The following NRG1 variants were observed in gnomAD, a reference collection of about 807,000 sequenced individuals.
NRG1 encodes pro-neuregulin-1, membrane-bound isoform.
NRG1 carries 18 observed loss-of-function variants against 63.8 expected under a neutral mutation model. The observed-to-expected ratio is 0.28, with a 90% CI of 0.19 to 0.42. The LOEUF (loss-of-function observed/expected upper bound fraction) is 0.42. Ranked by LOEUF, NRG1 falls within the 10% of genes least tolerant of loss-of-function variation. The pLI is 1.00. For missense variants in NRG1, 762 were observed against 814.7 expected, an observed-to-expected ratio of 0.94 and a Z score of 0.79; for synonymous variants, 302 against 301.3, an observed-to-expected ratio of 1.00 and a Z score of -0.02.
chr8:32,395,597 T>C (rs902964444), intron 1 of NRG1, among the ~76,000 whole-genome samples: 11 of 147,236 alleles, frequency 7.5e-5, no homozygotes, highest in Non-Finnish European at 1.5e-4. Flanking sequence ...TTTTCTTATA[T>C]TGAGTTATAA....
intron 1 of NRG1, among the ~76,000 whole-genome samples, chr8:32,363,475 A>G (rs1486240246): frequency 1.3e-5 from 2 of 152,142 alleles, no homozygotes; most frequent in Non-Finnish European, 2.9e-5. Flanking sequence ...CTCTAACGGG[A>G]GTATGATGTC....
At chr8:31,777,209 G>A (rs1440143355) in intron 1 of NRG1, among the ~76,000 whole-genome samples, 1 of 152,230 alleles carries the variant, frequency 6.6e-6, no homozygotes, top group Admixed American at 6.5e-5. Context: ...GAGCAAGACA[G>A]AGAGCAGCAT....
chr8:31,982,280 T>C (rs577782860), intron 1 of NRG1, among the ~76,000 whole-genome samples: 7 of 152,198 alleles, frequency 4.6e-5, no homozygotes, highest in African/African-American at 1.7e-4. Context: ...TCATTCTTGC[T>C]AAGTCTTCCA....
intron 1 of NRG1, among the ~76,000 whole-genome samples, chr8:32,165,967 T>C (rs1335431222): frequency 6.6e-6 from 1 of 152,180 alleles, no homozygotes; most frequent in Non-Finnish European, 1.5e-5. Flanking sequence ...TAGATGGTCA[T>C]AGGGATTTAC....
intron 1 of NRG1, among the ~76,000 whole-genome samples, chr8:31,781,058 T>C (rs1273770786): frequency 6.6e-6 from 1 of 152,228 alleles, no homozygotes; most frequent in African/African-American, 2.4e-5. Flanking sequence ...CTCCATTTAT[T>C]ATCCTTATTT....
chr8:32,749,498 A>T, intron 7 of NRG1: 1 of 1,542,890 alleles, frequency 6.5e-7, no homozygotes, highest in Non-Finnish European at 8.9e-7. Flanking sequence ...AGTGCAGTGT[A>T]TTGCTCTTTT....
intron 3 of NRG1, among the ~76,000 whole-genome samples, chr8:32,613,308 A>G (rs1382430812): frequency 6.6e-6 from 1 of 151,994 alleles, no homozygotes; most frequent in African/African-American, 2.4e-5. Flanking sequence ...ATTGCTAATC[A>G]CTTGTTCTTA....
At chr8:32,761,800 G>A (rs930807610) in intron 11 of NRG1, among the ~76,000 whole-genome samples, 1 of 151,818 alleles carries the variant, frequency 6.6e-6, no homozygotes, top group Non-Finnish European at 1.5e-5. Context: ...CAGCACTTTG[G>A]GAGGCTGAGG....
At chr8:32,211,147 T>C (rs955814891) in intron 1 of NRG1, among the ~76,000 whole-genome samples, 7 of 152,334 alleles carry the variant, frequency 4.6e-5, no homozygotes, top group African/African-American at 1.7e-4. Flanking sequence ...GCCCTTTTTG[T>C]TGTCAAAAAT....
At chr8:32,175,211 A>G (rs1040142337) in intron 1 of NRG1, among the ~76,000 whole-genome samples, 2 of 152,210 alleles carry the variant, frequency 1.3e-5, no homozygotes, top group Non-Finnish European at 2.9e-5. Flanking sequence ...CAGCATATAA[A>G]CAGAACCAAT....
At chr8:31,639,743 A>C (rs1585332828) in intron 1 of NRG1, 2 of 1,337,816 alleles carry the variant, frequency 1.5e-6, no homozygotes, top group South Asian at 1.8e-5. Context: ...TGCCTTTTCT[A>C]TTTTGCCTTT....
intron 1 of NRG1, among the ~76,000 whole-genome samples, chr8:32,466,371 CAAAA>C (rs35722571): frequency 8.0e-6 from 1 of 125,096 alleles, no homozygotes; most frequent in Admixed American, 7.9e-5. Flanking sequence ...ACCTTGACAT[CAAAA>C]AAAAAAAAAA....
chr8:31,926,956 C>T (rs190099170), intron 1 of NRG1, among the ~76,000 whole-genome samples: 1 of 152,310 alleles, frequency 6.6e-6, no homozygotes, highest in South Asian at 2.1e-4. Flanking sequence ...ATTCCACACT[C>T]TCTTCTAAAA....
At chr8:32,658,501 T>C (rs1394585607) in intron 5 of NRG1, among the ~76,000 whole-genome samples, 1 of 152,230 alleles carries the variant, frequency 6.6e-6, no homozygotes, top group Admixed American at 6.5e-5. Flanking sequence ...GCTCTTTTAC[T>C]AAATAACCCA....
intron 1 of NRG1, among the ~76,000 whole-genome samples, chr8:31,884,331 T>A (rs1830564281): frequency 6.6e-6 from 1 of 152,088 alleles, no homozygotes; most frequent in Admixed American, 6.6e-5. Flanking sequence ...TCTTTAGGAA[T>A]CAAGGTGGTA....
chr8:32,106,646 T>G (rs1267116628), intron 1 of NRG1, among the ~76,000 whole-genome samples: 1 of 152,190 alleles, frequency 6.6e-6, no homozygotes, highest in Non-Finnish European at 1.5e-5. Context: ...ATATGACTAT[T>G]TTAATAAAAT....
intron 1 of NRG1, among the ~76,000 whole-genome samples, chr8:31,832,339 A>G (rs1019606610): frequency 6.6e-6 from 1 of 151,030 alleles, no homozygotes; most frequent in African/African-American, 2.4e-5. Context: ...GCTCACTGCA[A>G]CCTCCAACTC....
At chr8:32,483,202 C>T (rs575715863) in intron 1 of NRG1, among the ~76,000 whole-genome samples, 113 of 152,284 alleles carry the variant, frequency 7.4e-4, no homozygotes, top group Middle Eastern at 6.8e-3. Context: ...AATCTTAATC[C>T]TCATCTCCAC....
At chr8:31,703,550 A>G (rs1409566775) in intron 1 of NRG1, among the ~76,000 whole-genome samples, 2 of 152,222 alleles carry the variant, frequency 1.3e-5, no homozygotes, top group Admixed American at 1.3e-4. Flanking sequence ...TTTATTGGAC[A>G]ATTGCACCAT....
Sources: gnomAD v4.1 joint callset for allele counts (sites outside exome capture counted in the v4.1 genomes callset) on GRCh38, gnomAD v4.1.1 for gene constraint, MANE v1.5 for transcripts, NCBI Gene and HGNC (gene_info 2026-07-23, HGNC 2026-07-21) for gene names.